Variants in NCKAP5 observed in about 807,000 individuals in gnomAD.
The protein encoded by NCKAP5 is nck-associated protein 5.
A neutral mutation model predicts 167.0 loss-of-function variants in NCKAP5; 92 were observed. The ratio of observed to expected loss-of-function variants is 0.55; its 90% CI spans 0.47 to 0.66. The LOEUF is 0.66. Among genes scored for constraint, NCKAP5 ranks in the 30% least tolerant of loss-of-function variants. The probability of loss-of-function intolerance (pLI) is 0.00; values close to 1 mark genes in which losing one functional copy is unlikely to be tolerated. For synonymous variants in NCKAP5, 891 were observed against 877.4 expected (o/e 1.02, Z -0.27); for missense variants, 2,378 against 2,315.0 (o/e 1.03, Z -0.56).
intron 4 of NCKAP5, among the ~76,000 whole-genome samples, chr2:133,219,700 G>GT (rs34193807): frequency 0.012 from 1,776 of 145,256 alleles, 10 homozygotes; most frequent in African/African-American, 0.021. Flanking sequence ...ATCAGCTGGA[G>GT]TTTTTTTTTT....
At chr2:133,166,269 A>T (rs1010578138) in intron 5 of NCKAP5, among the ~76,000 whole-genome samples, 23 of 152,194 alleles carry the variant, frequency 1.5e-4, no homozygotes, top group Admixed American at 1.5e-3. Context: ...AATGTAGCAT[A>T]CTTCATGTGA....
At chr2:133,122,952 A>G (rs564739334) in intron 6 of NCKAP5, 2 of 152,338 alleles carry the variant, frequency 1.3e-5, no homozygotes, top group South Asian at 4.1e-4. Context: ...AGATGAGCAA[A>G]TTGAGACCCA....
rs565749041 is a variant in NCKAP5, at chr2:132,815,289, T to C, written c.808-18560A>G. 1.6e-4 allele frequency among the ~76,000 whole-genome samples: 24 copies of C among 152,322 alleles called. No homozygotes were observed. In the South Asian group the frequency reaches 4.8e-3, roughly 30 times the overall value. ...TGGTTATGGATCTATAAATAACTAT[T>C]ACAAAGAAATGAGCATTATAGAGAG... On this transcript the variant is annotated intron_variant, in intron 11 of 19. Transcript: ENST00000409261.
chr2:133,520,421 C>T (rs1684375935), intron 2 of NCKAP5, among the ~76,000 whole-genome samples: 1 of 152,172 alleles, frequency 6.6e-6, no homozygotes, highest in Non-Finnish European at 1.5e-5. Flanking sequence ...ATTATTTAAC[C>T]TATTTAAGCT....
At chr2:133,313,687 C>A (rs921226845) in intron 3 of NCKAP5, among the ~76,000 whole-genome samples, 5 of 151,710 alleles carry the variant, frequency 3.3e-5, no homozygotes, top group African/African-American at 1.2e-4. Context: ...ACTAATTCAA[C>A]TGTCCTCAAG....
intron 3 of NCKAP5, among the ~76,000 whole-genome samples, chr2:133,374,974 C>A (rs531808964): frequency 6.6e-6 from 1 of 152,282 alleles, no homozygotes. Flanking sequence ...CCAAAGCCAA[C>A]TGGATTTCAA....
intron 16 of NCKAP5, 109 bp from the exon 17 acceptor site, chr2:132,732,160 G>A: frequency 9.5e-7 from 1 of 1,047,500 alleles, no homozygotes; most frequent in East Asian, 2.6e-5. Context: ...ACCTAGAAGG[G>A]TGAATTTAAG....
At chr2:132,813,231 G>C (rs889037566) in intron 11 of NCKAP5, among the ~76,000 whole-genome samples, 3 of 152,236 alleles carry the variant, frequency 2.0e-5, no homozygotes, top group Non-Finnish European at 4.4e-5. Context: ...CTTGGGTCAA[G>C]TCACACAGTG....
chr2:133,183,206 T>C (rs2084806856), intron 5 of NCKAP5, among the ~76,000 whole-genome samples: 1 of 152,096 alleles, frequency 6.6e-6, no homozygotes, highest in Non-Finnish European at 1.5e-5. Context: ...TTAACACCAA[T>C]TTTATACAAT....
intron 16 of NCKAP5, among the ~76,000 whole-genome samples, chr2:132,752,807 G>GCCAGCA (rs1263874112): frequency 6.6e-5 from 10 of 152,142 alleles, no homozygotes; most frequent in Non-Finnish European, 1.5e-4. Context: ...AGACCCAGGA[G>GCCAGCA]AGCCGATTTG....
chr2:133,505,664 T>C lies in NCKAP5; in HGVS notation c.69+11794A>G, dbSNP rs558741053. On this transcript the variant is annotated intron_variant, in intron 3 of 19. Transcript: ENST00000409261. ...GACATGGCCAAACTCACACAGGCAGTAGGAGGCAGGTTGGGATTCAAATCC... is the reference window on the plus strand; with the variant it reads ...GACATGGCCAAACTCACACAGGCAGCAGGAGGCAGGTTGGGATTCAAATCC... Among the ~76,000 whole-genome samples, 6 of 152,256 alleles carry C rather than the reference T, an allele frequency of 3.9e-5. No individual in the cohort carries two copies. In the South Asian group the frequency reaches 1.0e-3, roughly 26 times the overall value.
At chr2:133,584,939 AAAG>A in the NCKAP5 span, among the ~76,000 whole-genome samples, 17 of 139,780 alleles carry the variant, frequency 1.2e-4, no homozygotes, top group Admixed American at 1.1e-3. Context: ...CAAAAAAAAG[AAAG>A]AAGGAAGGAA....
At chr2:133,043,400 C>T (rs1006661888) in intron 6 of NCKAP5, among the ~76,000 whole-genome samples, 5 of 152,196 alleles carry the variant, frequency 3.3e-5, no homozygotes, top group Admixed American at 6.5e-5. Flanking sequence ...ATAAAATTTG[C>T]CTGAACGTAT....
At chr2:133,039,843 A>G (rs1363391640) in intron 6 of NCKAP5, among the ~76,000 whole-genome samples, 1 of 152,208 alleles carries the variant, frequency 6.6e-6, no homozygotes, top group African/African-American at 2.4e-5. Context: ...AGAGATGGGC[A>G]TTAGAAAATT....
intron 19 of NCKAP5, among the ~76,000 whole-genome samples, chr2:132,720,281 C>T (rs1363310090): frequency 1.3e-5 from 2 of 152,218 alleles, no homozygotes; most frequent in African/African-American, 4.8e-5. Context: ...ACTACTTCAC[C>T]CACTGGGCCA....
At chr2:132,942,957 T>C (rs1372882837) in intron 8 of NCKAP5, among the ~76,000 whole-genome samples, 1 of 152,234 alleles carries the variant, frequency 6.6e-6, no homozygotes, top group African/African-American at 2.4e-5. Flanking sequence ...CTGCAGGAAG[T>C]CATTAAAATG....
chr2:133,457,680 T>C (rs758882984), intron 3 of NCKAP5, among the ~76,000 whole-genome samples: 1 of 152,076 alleles, frequency 6.6e-6, no homozygotes, highest in Non-Finnish European at 1.5e-5. Flanking sequence ...TAAGGAGAGG[T>C]GCAAGGCAAC....
chr2:132,713,028 A>G (rs1689009917), intron 19 of NCKAP5, among the ~76,000 whole-genome samples: 1 of 152,224 alleles, frequency 6.6e-6, no homozygotes, highest in African/African-American at 2.4e-5. Flanking sequence ...AATGATCTCC[A>G]GGATATATTA....
the NCKAP5 span, among the ~76,000 whole-genome samples, chr2:133,617,272 T>C: frequency 4.6e-5 from 7 of 152,172 alleles, no homozygotes; most frequent in Admixed American, 4.6e-4. Flanking sequence ...TCTCCACTCC[T>C]ATTCAACATA....
Sources: allele counts gnomAD v4.1 joint callset (sites outside exome capture counted in the v4.1 genomes callset), GRCh38; gene constraint gnomAD v4.1.1; transcripts MANE v1.5; gene names NCBI Gene and HGNC (gene_info 2026-07-23, HGNC 2026-07-21).